Variants in NOS1 observed in about 807,000 individuals in gnomAD.
NOS1 encodes NOS type I.
Under a neutral mutation model 164.5 loss-of-function variants are expected in NOS1, and 51 were observed. The observed-to-expected ratio is 0.31, with a 90% CI of 0.25 to 0.39. The LOEUF (loss-of-function observed/expected upper bound fraction) is 0.39. Among genes scored for constraint, NOS1 ranks in the 10% least tolerant of loss-of-function variants. The probability of loss-of-function intolerance (pLI) is 1.00; values close to 1 mark genes in which losing one functional copy is unlikely to be tolerated. For missense variants in NOS1, 1,362 were observed against 1,885.6 expected (o/e 0.72, Z 5.14); for synonymous variants, 719 against 745.8 (o/e 0.96, Z 0.59).
chr12:117,267,134 C>T (rs1429253378), intron 11 of NOS1, among the ~76,000 whole-genome samples: 3 of 152,294 alleles, frequency 2.0e-5, no homozygotes, highest in Non-Finnish European at 2.9e-5. Flanking sequence ...CGTGCATCTA[C>T]GGGGGTCTAG....
At chr12:117,278,226 G>A (rs1331682105) in intron 8 of NOS1, 128 bp from the exon 9 acceptor site, 5 of 1,107,042 alleles carry the variant, frequency 4.5e-6, no homozygotes, top group African/African-American at 3.2e-5. Flanking sequence ...TTCCTCTGGA[G>A]GCTCTTGGAC....
At chr12:117,251,528 A>G (rs532160242) in intron 17 of NOS1, among the ~76,000 whole-genome samples, 88 of 151,848 alleles carry the variant, frequency 5.8e-4, no homozygotes, top group Non-Finnish European at 8.8e-4. Flanking sequence ...TCCCCCCACC[A>G]CAGCCTCCCA....
At chr12:117,230,502 G>A (rs117935233) in intron 22 of NOS1, among the ~76,000 whole-genome samples, 24 of 152,172 alleles carry the variant, frequency 1.6e-4, no homozygotes, top group Non-Finnish European at 2.4e-4. Context: ...CTATGCACTC[G>A]CTAATTAGCC....
intron 3 of NOS1, among the ~76,000 whole-genome samples, chr12:117,300,049 C>T (rs1286271985): frequency 6.6e-6 from 1 of 152,056 alleles, no homozygotes; most frequent in African/African-American, 2.4e-5. Flanking sequence ...ATTGAAAATG[C>T]ACAACAAGTT....
intron 4 of NOS1, among the ~76,000 whole-genome samples, chr12:117,289,260 C>T (rs1005495086): frequency 2.2e-4 from 33 of 152,170 alleles, no homozygotes; most frequent in Non-Finnish European, 4.4e-5. Flanking sequence ...AGATGATATT[C>T]GCAAGCAGCA....
chr12:117,215,527 G>C (rs1296915028), intron 28 of NOS1, among the ~76,000 whole-genome samples: 1 of 151,958 alleles, frequency 6.6e-6, no homozygotes, highest in African/African-American at 2.4e-5. Context: ...ATCCCAGCAG[G>C]GTTCAAGCGA....
intron 21 of NOS1, among the ~76,000 whole-genome samples, chr12:117,233,844 C>T (rs915658206): frequency 6.7e-6 from 1 of 149,438 alleles, no homozygotes; most frequent in Admixed American, 6.7e-5. Context: ...GGGTATGTCT[C>T]TCTAAAGTAG....
rs1666099909 is a variant in NOS1 at position 117,280,720 on chromosome 12, C to T, written c.1524+5G>A. On this transcript the variant is annotated splice_donor_5th_base_variant and intron_variant, in intron 8 of 28. Transcript: ENST00000317775. The stretch of plus-strand genomic sequence containing the variant: ...GGGCAGGGTAGGGGGCGGAAACGCT[C>T]GCACCTCTGTGAACTGCACATTGGC... 1.2e-6 allele frequency: 2 copies of T among 1,612,370 alleles called. No individual in the cohort carries two copies. The highest frequency in any genetic ancestry group is 1.7e-6 in the Non-Finnish European group (2 of 1,178,840).
intron 1 of NOS1, among the ~76,000 whole-genome samples, chr12:117,342,594 G>C (rs1421484654): frequency 6.6e-6 from 1 of 152,154 alleles, no homozygotes; most frequent in African/African-American, 2.4e-5. Flanking sequence ...TAAATCTGGA[G>C]AGGTCATCAG....
chr12:117,237,403 TTACAGGTGTGAGCCAC>T (rs1383353524), intron 20 of NOS1, among the ~76,000 whole-genome samples: 2 of 152,056 alleles, frequency 1.3e-5, no homozygotes, highest in Non-Finnish European at 2.9e-5. Flanking sequence ...AGTGCTAGGA[TTACAGGTGTGAGCCAC>T]CACGCCTGGC....
At chr12:117,359,876 TTATATATATA>T (rs56787288) in intron 1 of NOS1, among the ~76,000 whole-genome samples, 46 of 36,944 alleles carry the variant, frequency 1.2e-3, no homozygotes, top group Admixed American at 3.1e-3. Flanking sequence ...AATAATGGTT[TTATATATATA>T]TATATATATA....
At chr12:117,278,580 T>C (rs1449421599) in intron 8 of NOS1, among the ~76,000 whole-genome samples, 1 of 152,112 alleles carries the variant, frequency 6.6e-6, no homozygotes, top group Non-Finnish European at 1.5e-5. Flanking sequence ...AAGGCAGATG[T>C]ATTAGAATTA....
Position 117,256,144 on chromosome 12 carries a change from G to A in NOS1, c.2531+2253C>T, listed in dbSNP as rs7304788. On this transcript the variant is annotated intron_variant, in intron 16 of 28. Transcript: ENST00000317775. ...GGTGGGAAGGAGAGAGGTAAGGAGAGTGAGGACTAAGATGCTGGAGTTGGG... is the reference window on the plus strand; with the variant it reads ...GGTGGGAAGGAGAGAGGTAAGGAGAATGAGGACTAAGATGCTGGAGTTGGG... The A allele has an allele frequency of 3.3e-3, 1,758 of 528,554 alleles. 28 individuals carry two copies. The highest frequency in any genetic ancestry group is 0.031 in the African/African-American group (1,580 of 51,258). The allele number at this position is 528,554 out of a possible 1,614,324, so 32.7% of individuals were successfully genotyped here. A position where few individuals can be genotyped will look rare whatever the true frequency, so the allele number is the denominator to read the frequency against.
At chr12:117,225,265 G>A in intron 24 of NOS1, 128 bp from the exon 25 acceptor site, 1 of 1,250,600 alleles carries the variant, frequency 8.0e-7, no homozygotes, top group Non-Finnish European at 1.1e-6. Flanking sequence ...TTCAGCCGGG[G>A]CCAGGTGCCC....
rs1304530611 is a variant in NOS1, at chr12:117,215,489, T to C, written c.4290-165A>G. On this transcript the variant is annotated intron_variant, in intron 28 of 28. Transcript: ENST00000317775. ...TTTCGCTCTGTCACCCAGGCTGGAG[T>C]GCAGTGGCACGATCCCAGCTCACTG... 2.0e-5 allele frequency among the ~76,000 whole-genome samples: 3 copies of C among 150,702 alleles called. No homozygotes were observed. The East Asian group carries it at 5.9e-4, about 30-fold the overall frequency.
intron 8 of NOS1, 79 bp from the exon 9 acceptor site, chr12:117,278,177 G>T (rs1873339367): frequency 3.4e-6 from 5 of 1,452,696 alleles, no homozygotes; most frequent in Non-Finnish European, 2.7e-6. Context: ...AGCGGGGGTG[G>T]GGTGGATAGA....
intron 28 of NOS1, among the ~76,000 whole-genome samples, chr12:117,216,875 G>A (rs988629728): frequency 2.0e-5 from 3 of 152,258 alleles, no homozygotes; most frequent in East Asian, 3.9e-4. Flanking sequence ...CTGTGTCATC[G>A]TAAGGGGAAA....
At chr12:117,280,673 G>A in intron 8 of NOS1, 52 bp downstream of exon 8, 1 of 1,013,260 alleles carries the variant, frequency 9.9e-7, no homozygotes, top group Middle Eastern at 2.5e-4. Context: ...TCTGTGGTCT[G>A]GGGACATAAG....
chr12:117,225,013 C>A lies in NOS1; in HGVS notation c.3826+3G>T, dbSNP rs1402072781. The A allele has an allele frequency of 6.2e-7, 1 of 1,614,020 alleles. No individual in the cohort carries two copies. The highest frequency in any genetic ancestry group is 8.5e-7 in the Non-Finnish European group (1 of 1,180,004). Reference sequence around the variant, plus strand: ...ACCAAGTGGCCACTGGACTGTAACCCACCTTTGTGTTGGATATCAAATTGC... The same window carrying A: ...ACCAAGTGGCCACTGGACTGTAACCAACCTTTGTGTTGGATATCAAATTGC... On this transcript the variant is annotated splice_donor_region_variant and intron_variant, in intron 25 of 28. Transcript: ENST00000317775.
Sources: gnomAD v4.1 joint callset for allele counts (sites outside exome capture counted in the v4.1 genomes callset) on GRCh38, gnomAD v4.1.1 for gene constraint, MANE v1.5 for transcripts, NCBI Gene and HGNC (gene_info 2026-07-23, HGNC 2026-07-21) for gene names.